CROCC2: variants seen among roughly 807,000 people sequenced by gnomAD.
The protein encoded by CROCC2 is ciliary rootlet coiled-coil, rootletin family member 2.
Under a neutral mutation model 177.6 loss-of-function variants are expected in CROCC2, and 163 were observed. The observed-to-expected ratio is 0.92, with a 90% CI of 0.81 to 1.05. The LOEUF (loss-of-function observed/expected upper bound fraction) is 1.05. CROCC2 is among the 50% of genes least tolerant of loss of function. The probability of loss-of-function intolerance (pLI) is 0.00; values close to 1 mark genes in which losing one functional copy is unlikely to be tolerated. For synonymous variants in CROCC2, 904 were observed against 787.3 expected, an observed-to-expected ratio of 1.15 and a Z score of -2.48; for missense variants, 1,929 against 1,797.8, an observed-to-expected ratio of 1.07 and a Z score of -1.32.
chr2:240,907,455 G>A (rs1027309141), intron 1 of CROCC2, among the ~76,000 whole-genome samples: 5 of 152,136 alleles, frequency 3.3e-5, no homozygotes, highest in East Asian at 1.9e-4. Context: ...AACCCCTGAC[G>A]AACTGGCTTA....
At chr2:240,914,002 G>A (rs139224029) in intron 1 of CROCC2, among the ~76,000 whole-genome samples, 105 of 152,388 alleles carry the variant, frequency 6.9e-4, no homozygotes, top group African/African-American at 2.3e-3. Flanking sequence ...GGAGGGCCAT[G>A]GAGGGCCCGG....
rs1287565261 is a variant in CROCC2 at position 240,989,080 on chromosome 2, C to G, written c.4683+210C>G. Among the ~76,000 whole-genome samples, 70 of 152,184 alleles carry G rather than the reference C, an allele frequency of 4.6e-4. 1 individual carries two copies. Among genetic ancestry groups the G allele is most frequent in the Admixed American group, 4.6e-3 (70 of 15,272 alleles). On this transcript the variant is annotated intron_variant, in intron 29 of 31. Coordinates refer to ENST00000690015, the MANE Select transcript of CROCC2 (RefSeq NM_001351305.2). ...AGAGCTGGAACCAGGACCCAAGGCT[C>G]CTGCCCTTCTTGAGACATTGAAGTC... is the stretch of plus-strand genomic sequence containing the variant.
At chr2:240,939,469 C>A (rs1266392080) in intron 14 of CROCC2, among the ~76,000 whole-genome samples, 2 of 129,516 alleles carry the variant, frequency 1.5e-5, no homozygotes, top group Non-Finnish European at 3.2e-5. Context: ...TCCTTGGAAT[C>A]ATCAGATTTG....
chr2:240,983,115 G>A (rs2059812764), intron 28 of CROCC2, 86 bp downstream of exon 28: 1 of 1,333,430 alleles, frequency 7.5e-7, no homozygotes, highest in Non-Finnish European at 1.0e-6. Context: ...GTCCTTTGCA[G>A]AATCAGTCCC....
intron 27 of CROCC2, among the ~76,000 whole-genome samples, chr2:240,976,047 T>C (rs1310386207): frequency 6.6e-6 from 1 of 152,226 alleles, no homozygotes; most frequent in Admixed American, 6.5e-5. Context: ...TCTTTTGGTC[T>C]CAACGAGACC....
intron 26 of CROCC2, 142 bp downstream of exon 26, chr2:240,967,607 C>G (rs1213260906): frequency 1.4e-6 from 2 of 1,473,204 alleles, no homozygotes; most frequent in Non-Finnish European, 1.8e-6. Flanking sequence ...ACCCAAACCA[C>G]CAGGCCTGGC....
rs1358731590 is a variant in CROCC2 at position 240,946,858 on chromosome 2, A to C, written c.2363+605A>C. 2.0e-5 allele frequency among the ~76,000 whole-genome samples: 3 copies of C among 152,260 alleles called. No homozygotes were observed. The East Asian group carries it at 5.8e-4, about 29-fold the overall frequency. ...GGGCCTGATCCCAGGCTTGGGCTGC[A>C]CACCCATCCCTGGAGCCAGAAGCAG... On this transcript the variant is annotated intron_variant, in intron 15 of 31. Transcript: ENST00000690015.
chr2:240,949,127 C>T lies in CROCC2; in HGVS notation c.2482+30C>T. 2 of 1,496,510 alleles carry T rather than the reference C, an allele frequency of 1.3e-6. No individual in the cohort carries two copies. Among genetic ancestry groups the T allele is most frequent in the Non-Finnish European group, 1.8e-6 (2 of 1,124,340 alleles). 92.7% of individuals were successfully genotyped at this position (1,496,510 alleles called of 1,614,324 possible). On this transcript the variant is annotated intron_variant, in intron 16 of 31. Coordinates refer to ENST00000690015, the MANE Select transcript of CROCC2 (RefSeq NM_001351305.2). This position sits in a 1 kb window ranked among gnomAD's most constrained non-coding sequence, Gnocchi z 4.5. Reference sequence around the variant, plus strand: ...TCCAAGGGCGCTCCCTCAGCTCCTTCCCCGAAAGTCAGCCATGGAGGGGCC... The same window carrying T: ...TCCAAGGGCGCTCCCTCAGCTCCTTTCCCGAAAGTCAGCCATGGAGGGGCC...
At chr2:240,934,220 C>T in intron 11 of CROCC2, 111 bp from the exon 12 acceptor site, 1 of 1,252,168 alleles carries the variant, frequency 8.0e-7, no homozygotes. Flanking sequence ...CATGCTCCTC[C>T]TGGGCCTCCC....
intron 30 of CROCC2, among the ~76,000 whole-genome samples, chr2:240,990,377 G>A (rs2059869669): frequency 6.6e-6 from 1 of 152,158 alleles, no homozygotes; most frequent in South Asian, 2.1e-4. Flanking sequence ...CTGCTGGGCT[G>A]AACCACTGAG....
At position 240,949,659 on chromosome 2, in the gene CROCC2, C is replaced by T. The variant is rs1461023270; in HGVS notation, c.2609C>T (p.Ala870Val). ...GCACAGCGGGCCCTGGAGAGCCAGG[C>T]GTTGGCCCACCGAGAGGCCCTGGCA... is the stretch of plus-strand genomic sequence containing the variant. ...REAQRALESQ[A>V]LAHREALAQL... Residue 870 changes from alanine (A) to valine (V), a missense_variant, in exon 17 of 32, where the codon GCG becomes GTG. Transcript: ENST00000690015. This position sits in a 1 kb window ranked among gnomAD's most constrained non-coding sequence, Gnocchi z 4.5. The T allele has an allele frequency of 7.2e-6, 11 of 1,534,250 alleles. No individual in the cohort carries two copies. Among genetic ancestry groups the T allele is most frequent in the Admixed American group, 4.0e-5 (2 of 49,640 alleles).
chr2:240,906,878 C>T (rs1402656670), intron 1 of CROCC2, among the ~76,000 whole-genome samples: 1 of 151,764 alleles, frequency 6.6e-6, no homozygotes, highest in East Asian at 1.9e-4. Flanking sequence ...CCCTTGCAGC[C>T]ACAGGTTTGC....
At chr2:240,992,741 C>T (rs2059888422) in intron 31 of CROCC2, among the ~76,000 whole-genome samples, 1 of 152,012 alleles carries the variant, frequency 6.6e-6, no homozygotes, top group Non-Finnish European at 1.5e-5. Flanking sequence ...AGGCCTGCCC[C>T]CACTGCTGGA....
In CROCC2 at chr2:240,918,975, G is replaced by C. The variant is rs1420765043; in HGVS notation, c.229+99G>C. The C allele has an allele frequency of 8.4e-5, 55 of 651,270 alleles. No individual in the cohort carries two copies. In the East Asian group the frequency reaches 1.6e-3, roughly 19 times the overall value. The allele number at this position is 651,270 out of a possible 1,614,324, so 40.3% of individuals were successfully genotyped here. ...TGCTGGCCAAGGTGACGGCGTGGGGGACAGTCCTGGGCTCGCGGCTGGCCA... is the reference window on the plus strand; with the variant it reads ...TGCTGGCCAAGGTGACGGCGTGGGGCACAGTCCTGGGCTCGCGGCTGGCCA... On this transcript the variant is annotated intron_variant, in intron 2 of 31. Transcript: ENST00000690015. This position sits in a 1 kb window ranked among gnomAD's most constrained non-coding sequence, Gnocchi z 6.3.
chr2:240,975,945 G>A (rs946609981), intron 27 of CROCC2, among the ~76,000 whole-genome samples: 2 of 151,968 alleles, frequency 1.3e-5, no homozygotes, highest in African/African-American at 4.8e-5. Context: ...TGTCCAGGCT[G>A]GTCTCGAACT....
chr2:240,955,902 A>C lies in CROCC2; in HGVS notation c.2873A>C (p.Glu958Ala). ...ACAGAGCGGAGCCTTCTGAGTGAGG[A>C]GCTCTCCAGGGCCAGGAGGACGCTA... ...KETERSLLSEELSRARRTLER... is the reference protein window; with the variant it reads ...KETERSLLSEALSRARRTLER... The change falls in exon 19 of 32, where the codon GAG becomes GCG. Residue 958 changes from glutamate (E) to alanine (A), a missense_variant. Transcript: ENST00000690015. 1.3e-6 allele frequency: 2 copies of C among 1,535,024 alleles called. No individual in the cohort carries two copies. The highest frequency in any genetic ancestry group is 1.7e-6 in the Non-Finnish European group (2 of 1,146,882).
At chr2:240,909,819 G>A (rs867057567) in intron 1 of CROCC2, among the ~76,000 whole-genome samples, 5 of 152,126 alleles carry the variant, frequency 3.3e-5, no homozygotes, top group South Asian at 2.1e-4. Flanking sequence ...GGGAGCAGGC[G>A]GGTGCCAGAC....
rs1392915505 is a variant in CROCC2 at position 240,959,339 on chromosome 2, C to G, written c.2982C>G (p.Leu994=). ...CCACGACTGAGGAGCTGAAGGCCCT[C>G]CAGGCCCAGTTTGAGGATGCCATCA... ...ISATTEELKA[L]QAQFEDAITA... is the part of the protein sequence containing the mutation. The change falls in exon 20 of 32, where the codon CTC becomes CTG. Residue 994 remains leucine (L), a synonymous_variant. Coordinates refer to ENST00000690015, the MANE Select transcript of CROCC2 (RefSeq NM_001351305.2). The G allele has an allele frequency of 6.4e-7, 1 of 1,550,588 alleles. No homozygotes were observed. The highest frequency in any genetic ancestry group is 8.7e-7 in the Non-Finnish European group (1 of 1,146,968).
In CROCC2 at chr2:240,933,245, C is replaced by T. The variant is rs572265784; in HGVS notation, c.1366C>T (p.Arg456Trp). ...ACAGAAGCTCCAGCAGGAGCGGGCT[C>T]GGGAGCAGGCACGGGAACGAGAGGC... ...AAQKLQQERAREQAREREALR... is the reference protein window; with the variant it reads ...AAQKLQQERAWEQAREREALR... The change falls in exon 10 of 32, where the codon CGG becomes TGG. Residue 456 changes from arginine (R) to tryptophan (W), a missense_variant. By Grantham distance (101) the Arg-to-Trp change is moderately radical (BLOSUM62 -3). Coordinates refer to ENST00000690015, the MANE Select transcript of CROCC2 (RefSeq NM_001351305.2). The T allele has an allele frequency of 7.6e-5, 118 of 1,549,066 alleles. No homozygotes were observed. In the East Asian group the frequency reaches 9.3e-4, roughly 12 times the overall value.
Sources: gnomAD v4.1 joint callset for allele counts (sites outside exome capture counted in the v4.1 genomes callset) on GRCh38, gnomAD v4.1.1 for gene constraint, Gnocchi (gnomAD v3.1) non-coding constraint, MANE v1.5 for transcripts, NCBI Gene and HGNC (gene_info 2026-07-23, HGNC 2026-07-21) for gene names.